The following POU2F1 variants were observed in gnomAD, a reference collection of about 807,000 sequenced individuals.
POU2F1 encodes the protein POU class 2 homeobox 1.
Under a neutral mutation model 84.9 loss-of-function variants are expected in POU2F1, and 16 were observed. That is an observed-to-expected ratio of 0.19 (90% CI 0.13 to 0.29). The LOEUF (loss-of-function observed/expected upper bound fraction) is 0.29, where lower values mean the gene tolerates loss of function less well. POU2F1 is among the 10% of genes least tolerant of loss of function. The probability of loss-of-function intolerance (pLI) is 1.00; values close to 1 mark genes in which losing one functional copy is unlikely to be tolerated. For synonymous variants in POU2F1, 368 were observed against 368.3 expected, an observed-to-expected ratio of 1.00 and a Z score of 0.01; for missense variants, 738 against 942.6, an observed-to-expected ratio of 0.78 and a Z score of 2.84.
intron 2 of POU2F1, among the ~76,000 whole-genome samples, chr1:167,335,026 G>T (rs1287962813): frequency 1.3e-5 from 2 of 152,122 alleles, no homozygotes; most frequent in Non-Finnish European, 2.9e-5. Flanking sequence ...AGATTGTGTT[G>T]ATACGTTAAT....
chr1:167,247,580 T>C (rs139923291), intron 1 of POU2F1, among the ~76,000 whole-genome samples: 1 of 152,326 alleles, frequency 6.6e-6, no homozygotes, highest in East Asian at 1.9e-4. Context: ...TAGGCTTCTA[T>C]CAATTGGAAC....
Position 167,419,556 on chromosome 1 carries a change from G to A in POU2F1, c.*3746G>A, listed in dbSNP as rs1650518703. The A allele has an allele frequency of 6.6e-6, 1 of 152,126 alleles. No individual in the cohort carries two copies. The highest frequency in any genetic ancestry group is 2.1e-4 in the South Asian group (1 of 4,828). 9.4% of individuals were successfully genotyped at this position (152,126 alleles called of 1,614,324 possible). A position where few individuals can be genotyped will look rare whatever the true frequency, so the allele number is the denominator to read the frequency against. On this transcript the variant is annotated 3_prime_UTR_variant, in exon 16 of 16. Transcript: ENST00000367866. ...ACCCTGTATACATCTGAATAACAGA[G>A]CAGAAAGACCTAAAAAAGGGCTTCT... is the stretch of plus-strand genomic sequence containing the variant.
chr1:167,397,580 C>T (rs902242106), intron 10 of POU2F1, among the ~76,000 whole-genome samples: 1 of 152,166 alleles, frequency 6.6e-6, no homozygotes, highest in African/African-American at 2.4e-5. Context: ...TGGTCTCACT[C>T]TGTTGTCCAG....
chr1:167,247,445 A>G lies in POU2F1; in HGVS notation c.61+26487A>G, dbSNP rs371706684. Among the ~76,000 whole-genome samples, 5 of 152,260 alleles carry G rather than the reference A, an allele frequency of 3.3e-5. No homozygotes were observed. The East Asian group carries it at 7.7e-4, about 23-fold the overall frequency. On this transcript the variant is annotated intron_variant, in intron 1 of 15. Coordinates refer to ENST00000367866, the MANE Select transcript of POU2F1 (RefSeq NM_002697.4). ...ATTCTTCTAAAATGGCATATATTCT[A>G]ATCTTTACCTAAATTTCCTCGTTAC... is the stretch of plus-strand genomic sequence containing the variant.
intron 15 of POU2F1, among the ~76,000 whole-genome samples, chr1:167,415,124 G>A (rs1650216022): frequency 6.6e-6 from 1 of 152,180 alleles, no homozygotes; most frequent in African/African-American, 2.4e-5. Context: ...CCTTTGAACA[G>A]AGGTAGTTTA....
chr1:167,341,863 C>G (rs144910076), intron 2 of POU2F1, among the ~76,000 whole-genome samples: 1 of 151,990 alleles, frequency 6.6e-6, no homozygotes, highest in African/African-American at 2.4e-5. Flanking sequence ...TGGCTCTTAG[C>G]GGGATGGATG....
At chr1:167,328,205 T>A (rs1656834648) in intron 1 of POU2F1, among the ~76,000 whole-genome samples, 1 of 152,220 alleles carries the variant, frequency 6.6e-6, no homozygotes, top group South Asian at 2.1e-4. Flanking sequence ...AGATTTATTT[T>A]CATGGGGGAA....
At chr1:167,377,474 C>T (rs1262435601) in intron 7 of POU2F1, among the ~76,000 whole-genome samples, 1 of 152,102 alleles carries the variant, frequency 6.6e-6, no homozygotes, top group Non-Finnish European at 1.5e-5. Flanking sequence ...GTAGTCCCAG[C>T]TACTCAGGAG....
intron 1 of POU2F1, among the ~76,000 whole-genome samples, chr1:167,287,315 A>G (rs1025920871): frequency 6.6e-6 from 1 of 152,226 alleles, no homozygotes; most frequent in African/African-American, 2.4e-5. Flanking sequence ...AATGATCCTG[A>G]GCTAGAAGTG....
chr1:167,338,239 C>A, intron 2 of POU2F1: 1 of 463,366 alleles, frequency 2.2e-6, no homozygotes, highest in Non-Finnish European at 4.4e-6. Flanking sequence ...TTGTGATGAT[C>A]CACTTCCACT....
chr1:167,261,674 A>G (rs1651577863), intron 1 of POU2F1, among the ~76,000 whole-genome samples: 1 of 151,786 alleles, frequency 6.6e-6, no homozygotes, highest in African/African-American at 2.4e-5. Context: ...TCAATTTAGG[A>G]TTTGATTTTG....
At chr1:167,265,909 A>C (rs1434395779) in intron 1 of POU2F1, among the ~76,000 whole-genome samples, 7 of 152,242 alleles carry the variant, frequency 4.6e-5, no homozygotes, top group Non-Finnish European at 1.0e-4. Context: ...ATTAAAACTC[A>C]AGCTTCAATT....
chr1:167,401,362 T>C, intron 12 of POU2F1, 89 bp from the exon 13 acceptor site: 2 of 854,652 alleles, frequency 2.3e-6, no homozygotes, highest in Non-Finnish European at 1.8e-6. Flanking sequence ...GGTGTCTCAA[T>C]TCCAAGATCA....
chr1:167,270,040 G>T (rs944063073), intron 1 of POU2F1, among the ~76,000 whole-genome samples: 6 of 152,074 alleles, frequency 3.9e-5, no homozygotes, highest in African/African-American at 1.4e-4. Context: ...CTCTCCCTGA[G>T]TTTGTGGGTC....
At position 167,426,799 on chromosome 1, in the gene POU2F1, T is replaced by G. The variant is rs79168464; in HGVS notation, c.*10989T>G. ...ATTCTTTCCAAAATTGTCCAGCAGC[T>G]TGAATGAGGCAGTGACAATTCTGAG... On this transcript the variant is annotated 3_prime_UTR_variant, in exon 16 of 16. Coordinates refer to ENST00000367866, the MANE Select transcript of POU2F1 (RefSeq NM_002697.4). The G allele has an allele frequency of 3.4e-4, 52 of 152,326 alleles. No individual in the cohort carries two copies. The highest frequency in any genetic ancestry group is 1.2e-3 in the African/African-American group (51 of 41,562). The allele number at this position is 152,326 out of a possible 1,614,324, so 9.4% of individuals were successfully genotyped here.
At chr1:167,245,112 CTT>C (rs533891222) in intron 1 of POU2F1, among the ~76,000 whole-genome samples, 1 of 151,884 alleles carries the variant, frequency 6.6e-6, no homozygotes, top group East Asian at 1.9e-4. Context: ...TTCAGTGAAA[CTT>C]TTTTTTAAAG....
chr1:167,258,159 A>G (rs1651288914), intron 1 of POU2F1, among the ~76,000 whole-genome samples: 1 of 152,172 alleles, frequency 6.6e-6, no homozygotes, highest in Non-Finnish European at 1.5e-5. Context: ...TTTAAACAAT[A>G]TGTTATAGCT....
intron 1 of POU2F1, among the ~76,000 whole-genome samples, chr1:167,308,007 G>T (rs539253101): frequency 1.3e-5 from 2 of 151,968 alleles, no homozygotes; most frequent in East Asian, 1.9e-4. Context: ...TGACAGGAGT[G>T]TCATAGAGTG....
intron 8 of POU2F1, 74 bp from the exon 9 acceptor site, chr1:167,389,514 C>A: frequency 6.6e-7 from 1 of 1,520,476 alleles, no homozygotes; most frequent in Admixed American, 1.8e-5. Flanking sequence ...CTCTTTCCTT[C>A]AGTTGTTTAC....
Sources: gnomAD v4.1 joint callset for allele counts (sites outside exome capture counted in the v4.1 genomes callset) on GRCh38, gnomAD v4.1.1 for gene constraint, MANE v1.5 for transcripts, NCBI Gene and HGNC (gene_info 2026-07-23, HGNC 2026-07-21) for gene names.